ITGAE: variants seen among roughly 807,000 people sequenced by gnomAD.
The protein encoded by ITGAE is integrin alpha-E.
In ITGAE, 99 loss-of-function variants were observed where a neutral mutation model predicts 136.5. The observed-to-expected ratio is 0.73, with a 90% confidence interval of 0.62 to 0.86. ITGAE has a LOEUF of 0.86. Ranked by LOEUF, ITGAE falls within the 40% of genes least tolerant of loss-of-function variation. The pLI is 0.00. For missense variants in ITGAE, 1,447 were observed against 1,515.3 expected (o/e 0.95, Z 0.75); for synonymous variants, 613 against 591.8 (o/e 1.04, Z -0.52).
chr17:3,742,993 A>C (rs778782645), intron 19 of ITGAE, among the ~76,000 whole-genome samples: 12 of 152,350 alleles, frequency 7.9e-5, no homozygotes, highest in Non-Finnish European at 1.0e-4. Flanking sequence ...TCTAAGCTGC[A>C]CTGATGGGCA....
At chr17:3,726,216 A>G in intron 26 of ITGAE, 1 of 1,614,204 alleles carries the variant, frequency 6.2e-7, no homozygotes, top group Non-Finnish European at 8.5e-7. Context: ...CTTCAAGACT[A>G]AATGTAACAC....
In ITGAE at chr17:3,799,587, G is replaced by A. The variant is rs1236641576; in HGVS notation, c.34+1524C>T. ...TATCAGTTGCTTGCAAGCCTGGGTAGTCACTGCCCGCTCTGTGCCCCAGTC... is the reference window on the plus strand; with the variant it reads ...TATCAGTTGCTTGCAAGCCTGGGTAATCACTGCCCGCTCTGTGCCCCAGTC... On this transcript the variant is annotated intron_variant, in intron 1 of 30. Coordinates refer to ENST00000263087, the MANE Select transcript of ITGAE (RefSeq NM_002208.5). This position sits in a 1 kb window ranked among gnomAD's most constrained non-coding sequence, Gnocchi z 4.1. 6.6e-6 allele frequency among the ~76,000 whole-genome samples: 1 copy of A among 152,106 alleles called. No individual in the cohort carries two copies. The highest frequency in any genetic ancestry group is 2.4e-5 in the African/African-American group (1 of 41,404).
At chr17:3,721,260 CTTTTTTTTTTTTT>C (rs869087347) in intron 28 of ITGAE, among the ~76,000 whole-genome samples, 3 of 46,200 alleles carry the variant, frequency 6.5e-5, no homozygotes, top group South Asian at 1.2e-3. Context: ...GAGATTTTTC[CTTTTTTTTTTTTT>C]TTTTTTTTTT....
chr17:3,798,437 G>A lies in ITGAE; in HGVS notation c.34+2674C>T, dbSNP rs1041758842. Among the ~76,000 whole-genome samples the A allele has an allele frequency of 3.3e-5, 5 of 152,008 alleles. No homozygotes were observed. The highest frequency in any genetic ancestry group is 3.3e-4 in the Admixed American group (5 of 15,268). ...TTCGCCTCCATCTTCCTACAAACCA[G>A]ACTCTTCACACCCCAGGGCTTGGTC... is the stretch of plus-strand genomic sequence containing the variant. On this transcript the variant is annotated intron_variant, in intron 1 of 30. Coordinates refer to ENST00000263087, the MANE Select transcript of ITGAE (RefSeq NM_002208.5). This position sits in a 1 kb window ranked among gnomAD's most constrained non-coding sequence, Gnocchi z 4.3.
chr17:3,725,739 G>T (rs1333856716), intron 26 of ITGAE: 1 of 1,582,292 alleles, frequency 6.3e-7, no homozygotes, highest in Non-Finnish European at 8.6e-7. Context: ...GCTCTTCATT[G>T]TGCTGGAATT....
intron 2 of ITGAE, among the ~76,000 whole-genome samples, chr17:3,769,429 A>G (rs1196235968): frequency 6.7e-6 from 1 of 148,952 alleles, no homozygotes; most frequent in Non-Finnish European, 1.5e-5. Flanking sequence ...CAAGACTGCC[A>G]TTCATGCCGC....
intron 2 of ITGAE, among the ~76,000 whole-genome samples, chr17:3,766,593 A>G (rs3885402): frequency 0.2 from 30,448 of 151,792 alleles, 3,206 homozygotes; most frequent in African/African-American, 0.24. Flanking sequence ...CCTGAGGTCA[A>G]GAGTTCAAGA....
intron 28 of ITGAE, among the ~76,000 whole-genome samples, chr17:3,721,115 G>T (rs964803891): frequency 1.4e-4 from 21 of 151,872 alleles, no homozygotes; most frequent in Non-Finnish European, 4.4e-5. Context: ...TTTTTGTAGA[G>T]ATGGGGTTTT....
At chr17:3,736,070 TAGG>T (rs951277872) in intron 20 of ITGAE, among the ~76,000 whole-genome samples, 3 of 151,458 alleles carry the variant, frequency 2.0e-5, no homozygotes, top group Admixed American at 6.6e-5. Context: ...TTGAACCCGG[TAGG>T]GGGAGTTTGC....
At chr17:3,744,957 T>G (rs2051677222) in intron 18 of ITGAE, among the ~76,000 whole-genome samples, 1 of 152,236 alleles carries the variant, frequency 6.6e-6, no homozygotes, top group Non-Finnish European at 1.5e-5. Context: ...CTGTAGACTT[T>G]AATCCAATTA....
Position 3,723,340 on chromosome 17 carries a change from T to C in ITGAE, c.3185A>G (p.Asp1062Gly), listed in dbSNP as rs1039710687. Residue 1062 changes from aspartate (D) to glycine (G), a missense_variant, in exon 28 of 31, where the codon GAT becomes GGT. By Grantham distance (94) the Asp-to-Gly change is moderately conservative. Around this residue, in one of 3 missense-constraint regions of ITGAE, gnomAD observed 1,031 missense variants for 1,011.4 expected, o/e 1.02. Transcript: ENST00000263087. ...WHSVSCVIAS[D>G]KENVTVAAEI... ...TGCAGCCACGGTGACATTTTCTTTATCTGAAGCGATGACACAGCTCACTGA... is the reference window on the plus strand; with the variant it reads ...TGCAGCCACGGTGACATTTTCTTTACCTGAAGCGATGACACAGCTCACTGA... The C allele has an allele frequency of 9.9e-6, 16 of 1,614,084 alleles. No individual in the cohort carries two copies. The highest frequency in any genetic ancestry group is 3.3e-5 in the Admixed American group (2 of 60,036).
chr17:3,764,250 G>A (rs565582610), intron 2 of ITGAE, among the ~76,000 whole-genome samples: 2 of 152,350 alleles, frequency 1.3e-5, no homozygotes, highest in East Asian at 3.9e-4. Flanking sequence ...TATGGGGACA[G>A]GGATGGGGAG....
chr17:3,770,947 C>T (rs1322168400), intron 2 of ITGAE, among the ~76,000 whole-genome samples: 1 of 152,078 alleles, frequency 6.6e-6, no homozygotes, highest in African/African-American at 2.4e-5. Flanking sequence ...TTACAGAAAA[C>T]GCTGACTGAA....
intron 1 of ITGAE, among the ~76,000 whole-genome samples, chr17:3,788,955 T>C (rs1046560688): frequency 2.7e-5 from 4 of 150,862 alleles, no homozygotes; most frequent in South Asian, 2.1e-4. Flanking sequence ...GAGAGAAAAA[T>C]AAAAACAAAA....
At chr17:3,746,508 T>C (rs1597326058) in intron 17 of ITGAE, among the ~76,000 whole-genome samples, 1 of 151,232 alleles carries the variant, frequency 6.6e-6, no homozygotes, top group East Asian at 2.0e-4. Context: ...CAGGCTGGAG[T>C]GCAGCGGCGC....
intron 28 of ITGAE, 96 bp downstream of exon 28, chr17:3,723,186 TTTGGAC>T (rs1470036741): frequency 5.9e-6 from 5 of 847,018 alleles, no homozygotes. Context: ...AAAGATCTAT[TTTGGAC>T]ATGGACATGT....
intron 30 of ITGAE, among the ~76,000 whole-genome samples, chr17:3,715,808 G>T (rs1411497324): frequency 6.6e-6 from 1 of 152,130 alleles, no homozygotes; most frequent in African/African-American, 2.4e-5. Flanking sequence ...GCTGCAGTGA[G>T]CCCTTAACTG....
intron 2 of ITGAE, among the ~76,000 whole-genome samples, chr17:3,767,241 C>T (rs951420016): frequency 1.3e-5 from 2 of 152,082 alleles, no homozygotes; most frequent in Admixed American, 6.5e-5. Context: ...CGATTACAGG[C>T]GCCCGCCACC....
At chr17:3,784,030 G>T (rs969400539) in intron 1 of ITGAE, among the ~76,000 whole-genome samples, 2 of 152,196 alleles carry the variant, frequency 1.3e-5, no homozygotes, top group African/African-American at 2.4e-5. Flanking sequence ...GGAGGCCGAG[G>T]CGGGCGGATC....
Sources: gnomAD v4.1 joint callset for allele counts (sites outside exome capture counted in the v4.1 genomes callset) on GRCh38, gnomAD v4.1.1 for gene constraint, gnomAD v4.1.1 regional missense constraint, Gnocchi (gnomAD v3.1) non-coding constraint, MANE v1.5 for transcripts, NCBI Gene and HGNC (gene_info 2026-07-23, HGNC 2026-07-21) for gene names.